The following DOT1L variants were observed in gnomAD, a reference collection of about 807,000 sequenced individuals.
DOT1L encodes the protein histone-lysine N-methyltransferase, H3 lysine-79 specific.
In DOT1L, 33 loss-of-function variants were observed where a neutral mutation model predicts 153.3. That is an observed-to-expected ratio of 0.22 (90% confidence interval 0.16 to 0.29). DOT1L has a LOEUF of 0.29. DOT1L is among the 10% of genes least tolerant of loss of function. The pLI, the probability that DOT1L is intolerant of heterozygous loss-of-function variation, is 1.00. For missense variants in DOT1L, 1,847 were observed against 2,119.9 expected (o/e 0.87, Z 2.53); for synonymous variants, 1,135 against 965.1 (o/e 1.18, Z -3.26).
At position 2,191,910 on chromosome 19, in the gene DOT1L, C is replaced by T. The variant is rs769468372; in HGVS notation, c.493+670C>T. ...AACGAGGCCCTAGGTGTGTCTTCAGCAGCAGCGTGGCCTGGCTGAAGCACA... is the reference window on the plus strand; with the variant it reads ...AACGAGGCCCTAGGTGTGTCTTCAGTAGCAGCGTGGCCTGGCTGAAGCACA... On this transcript the variant is annotated intron_variant, in intron 5 of 27. Transcript: ENST00000398665. This position sits in a 1 kb window ranked among gnomAD's most constrained non-coding sequence, Gnocchi z 6.8. Among the ~76,000 whole-genome samples, 13 of 152,206 alleles carry T rather than the reference C, an allele frequency of 8.5e-5. No individual in the cohort carries two copies. The highest frequency in any genetic ancestry group is 1.5e-4 in the Non-Finnish European group (10 of 68,024).
rs991593249 is a variant in DOT1L, at chr19:2,230,743, G to C, written c.*951G>C. The C allele has an allele frequency of 2.5e-6, 1 of 397,552 alleles. No individual in the cohort carries two copies. Among genetic ancestry groups the C allele is most frequent in the East Asian group, 3.6e-5 (1 of 28,080 alleles). 24.6% of individuals were successfully genotyped at this position (397,552 alleles called of 1,614,324 possible). On this transcript the variant is annotated 3_prime_UTR_variant, in exon 28 of 28. Coordinates refer to ENST00000398665, the MANE Select transcript of DOT1L (RefSeq NM_032482.3). ...TGCACAGTGAAGAGGAAAGAAAAGC[G>C]AGGGGAAAAAACCTTATTTATTCAA... is the stretch of plus-strand genomic sequence containing the variant.
chr19:2,180,822 C>G (rs996178238), intron 2 of DOT1L, 66 bp downstream of exon 2: 4 of 1,587,160 alleles, frequency 2.5e-6, no homozygotes, highest in Admixed American at 1.7e-5. Flanking sequence ...CACCCGTGCC[C>G]TGCAGATTCT....
Position 2,226,858 on chromosome 19 carries a change from C to T in DOT1L, c.4337C>T (p.Pro1446Leu), listed in dbSNP as rs752426227. Residue 1446 changes from proline to leucine, a missense_variant, in exon 27 of 28, where the codon CCG becomes CTG. Physicochemically the swap from Pro to Leu is moderately conservative, Grantham distance 98. Transcript: ENST00000398665. ...CTCCTCAGCGGCCCCGGCCTGGCCC[C>T]GGCGGCGTCCTCCGCAGGCGGCGCG... Reference protein sequence around the residue: ...GSLLSGPGLAPAASSAGGAAS... With the variant: ...GSLLSGPGLALAASSAGGAAS... 24 of 1,577,474 alleles carry T rather than the reference C, an allele frequency of 1.5e-5. No individual in the cohort carries two copies. In the East Asian group the frequency reaches 3.0e-4, roughly 20 times the overall value.
chr19:2,229,534 C>G (rs570584270), intron 27 of DOT1L: 18 of 985,442 alleles, frequency 1.8e-5, no homozygotes, highest in African/African-American at 8.7e-5. Context: ...TAGCTGGACT[C>G]GGCTGTGTGT....
Position 2,207,701 on chromosome 19 carries a change from C to G in DOT1L, c.963+21C>G, listed in dbSNP as rs114623982. The G allele has an allele frequency of 6.2e-4, 985 of 1,596,266 alleles. 4 individuals are homozygous for G. In the African/African-American group the frequency reaches 0.012, roughly 20 times the overall value. ...CCATAGTGAGTATCTCGCTGCGCCT[C>G]AGCCGCAGGGCCGTCCTGGTCTTCC... On this transcript the variant is annotated intron_variant, in intron 11 of 27. Coordinates refer to ENST00000398665, the MANE Select transcript of DOT1L (RefSeq NM_032482.3). The surrounding 1 kb of genome is among the most constrained non-coding windows in gnomAD (Gnocchi z 4.5).
At chr19:2,219,646 G>C (rs922334060) in intron 22 of DOT1L, among the ~76,000 whole-genome samples, 1 of 152,268 alleles carries the variant, frequency 6.6e-6, no homozygotes, top group African/African-American at 2.4e-5. Context: ...GGGTTCTGCG[G>C]TCACTCTACT....
At position 2,226,369 on chromosome 19, in the gene DOT1L, C is replaced by A; in HGVS notation, c.3848C>A (p.Ser1283Tyr). The part of the protein sequence containing the change: ...FTFRPALEEP[S>Y]ADAKLAAHPR... Reference sequence around the variant, plus strand: ...TTCCGGCCCGCCCTGGAGGAGCCCTCTGCCGATGCCAAGCTGGCCGCTCAC... The same window carrying A: ...TTCCGGCCCGCCCTGGAGGAGCCCTATGCCGATGCCAAGCTGGCCGCTCAC... The change falls in exon 27 of 28, where the codon TCT becomes TAT. Residue 1283 changes from serine to tyrosine, a missense_variant. This residue lies in a region of DOT1L where 934 missense variants were observed against 825.3 expected (regional missense o/e 1.13). Coordinates refer to ENST00000398665, the MANE Select transcript of DOT1L (RefSeq NM_032482.3). 1 of 1,593,226 alleles carries A rather than the reference C, an allele frequency of 6.3e-7. No individual in the cohort carries two copies. The highest frequency in any genetic ancestry group is 8.5e-7 in the Non-Finnish European group (1 of 1,171,832).
intron 8 of DOT1L, among the ~76,000 whole-genome samples, chr19:2,202,092 C>T (rs147558161): frequency 1.1e-4 from 16 of 152,368 alleles, no homozygotes; most frequent in South Asian, 2.1e-4. Context: ...GCCGACCTCA[C>T]GTCTAGCCTC....
At chr19:2,202,576 C>A in intron 8 of DOT1L, 124 bp from the exon 9 acceptor site, 1 of 927,798 alleles carries the variant, frequency 1.1e-6, no homozygotes. Context: ...GTGGGCTTGG[C>A]CCTGGAGGTG....
intron 7 of DOT1L, among the ~76,000 whole-genome samples, chr19:2,198,432 G>C (rs919218678): frequency 6.6e-6 from 1 of 152,224 alleles, no homozygotes; most frequent in Non-Finnish European, 1.5e-5. Context: ...TGGCCGGGGC[G>C]GGTGGCCCTG....
chr19:2,223,656 C>T (rs1181658621), intron 25 of DOT1L, among the ~76,000 whole-genome samples, 170 bp downstream of exon 25: 1 of 152,110 alleles, frequency 6.6e-6, no homozygotes, highest in African/African-American at 2.4e-5. Flanking sequence ...AGGTCCTGGG[C>T]CCCGTTCCGG....
chr19:2,200,281 T>G (rs1168057442), intron 8 of DOT1L, among the ~76,000 whole-genome samples: 2 of 151,766 alleles, frequency 1.3e-5, no homozygotes, highest in African/African-American at 2.4e-5. Context: ...TCTTCCTGTC[T>G]CCATCCATCC....
In DOT1L at chr19:2,190,509, G is replaced by A. The variant is rs1342849029; in HGVS notation, c.265-503G>A. On this transcript the variant is annotated intron_variant, in intron 4 of 27. Coordinates refer to ENST00000398665, the MANE Select transcript of DOT1L (RefSeq NM_032482.3). This position sits in a 1 kb window ranked among gnomAD's most constrained non-coding sequence, Gnocchi z 4.8. ...CTCAACCTCATGCATGCAGCTCTGT[G>A]GGCCCCTGAGAGCTGAGCTGGCCTG... Among the ~76,000 whole-genome samples the A allele has an allele frequency of 1.3e-5, 2 of 152,086 alleles. No individual in the cohort carries two copies. The highest frequency in any genetic ancestry group is 4.8e-5 in the African/African-American group (2 of 41,434).
rs1049846753 is a variant in DOT1L, at chr19:2,223,464, G to A, written c.3574G>A (p.Glu1192Lys). 16 of 1,612,328 alleles carry A rather than the reference G, an allele frequency of 9.9e-6. No individual in the cohort carries two copies. The highest frequency in any genetic ancestry group is 2.5e-6 in the Non-Finnish European group (3 of 1,179,834). Reference protein sequence around the residue: ...PLTSDEEPGSEDEPSSARIER... With the variant: ...PLTSDEEPGSKDEPSSARIER... The stretch of plus-strand genomic sequence containing the variant: ...CACCTCAGACGAGGAGCCAGGCTCT[G>A]AGGACGAGCCCAGCAGTGCTCGGCG... The change falls in exon 25 of 28, where the codon GAG becomes AAG. Residue 1192 changes from glutamate (E) to lysine (K), a missense_variant. This residue lies in a region of DOT1L where 934 missense variants were observed against 825.3 expected (regional missense o/e 1.13). Coordinates refer to ENST00000398665, the MANE Select transcript of DOT1L (RefSeq NM_032482.3).
chr19:2,171,616 G>A (rs749925007), intron 1 of DOT1L, among the ~76,000 whole-genome samples: 3 of 152,168 alleles, frequency 2.0e-5, no homozygotes, highest in Non-Finnish European at 4.4e-5. Context: ...GGCACCGACC[G>A]CCGCCGGGTG....
chr19:2,226,471 C>G lies in DOT1L; in HGVS notation c.3950C>G (p.Thr1317Ser). The G allele has an allele frequency of 6.2e-7, 1 of 1,601,782 alleles. No homozygotes were observed. Among genetic ancestry groups the G allele is most frequent in the South Asian group, 1.1e-5 (1 of 90,870 alleles). Residue 1317 changes from threonine to serine, a missense_variant, in exon 27 of 28, where the codon ACC becomes AGC. By Grantham distance (58) the Thr-to-Ser change is moderately conservative. Coordinates refer to ENST00000398665, the MANE Select transcript of DOT1L (RefSeq NM_032482.3). The part of the protein sequence containing the change: ...SPGTNPANGC[T>S]FGGGLAADLS... ...GGCACCAACCCTGCCAACGGCTGCA[C>G]CTTCGGCGGGGGCCTGGCCGCGGAC... is the stretch of plus-strand genomic sequence containing the variant.
intron 1 of DOT1L, among the ~76,000 whole-genome samples, chr19:2,172,495 TTTTC>T (rs933415860): frequency 4.6e-5 from 7 of 150,670 alleles, no homozygotes; most frequent in Admixed American, 1.3e-4. Context: ...GGCCAGCCAC[TTTTC>T]TTTCTTTCTT....
intron 2 of DOT1L, among the ~76,000 whole-genome samples, chr19:2,183,287 C>G (rs1361064156): frequency 6.6e-6 from 1 of 152,198 alleles, no homozygotes; most frequent in Non-Finnish European, 1.5e-5. Context: ...TCTCCTGCCT[C>G]AGCCTCCCGA....
chr19:2,171,444 C>T (rs1035135791), intron 1 of DOT1L, among the ~76,000 whole-genome samples: 1 of 152,194 alleles, frequency 6.6e-6, no homozygotes, highest in African/African-American at 2.4e-5. Flanking sequence ...GCTCTGCCCC[C>T]AGGGGACACC....
Sources: gnomAD v4.1 joint callset for allele counts (sites outside exome capture counted in the v4.1 genomes callset) on GRCh38, gnomAD v4.1.1 for gene constraint, gnomAD v4.1.1 regional missense constraint, Gnocchi (gnomAD v3.1) non-coding constraint, MANE v1.5 for transcripts, NCBI Gene and HGNC (gene_info 2026-07-23, HGNC 2026-07-21) for gene names.